Variants in TEAD1 observed in about 807,000 individuals in gnomAD.
The protein encoded by TEAD1 is transcriptional enhancer factor TEF-1.
Under a neutral mutation model 54.9 loss-of-function variants are expected in TEAD1, and 9 were observed. That is an observed-to-expected ratio of 0.16 (90% CI 0.10 to 0.29). TEAD1 has a LOEUF of 0.29. Among genes scored for constraint, TEAD1 ranks in the 10% least tolerant of loss-of-function variants. The probability of loss-of-function intolerance (pLI) is 1.00; values close to 1 mark genes in which losing one functional copy is unlikely to be tolerated. For synonymous variants in TEAD1, 200 were observed against 187.8 expected, an observed-to-expected ratio of 1.07 and a Z score of -0.53; for missense variants, 387 against 535.9, an observed-to-expected ratio of 0.72 and a Z score of 2.74.
intron 2 of TEAD1, among the ~76,000 whole-genome samples, chr11:12,737,830 A>G (rs1944568602): frequency 6.6e-6 from 1 of 152,186 alleles, no homozygotes. Context: ...GTATTAGTCC[A>G]TTTTTACGCT....
chr11:12,739,323 AAGTGTAC>A (rs1351172486), intron 2 of TEAD1, among the ~76,000 whole-genome samples: 4 of 152,144 alleles, frequency 2.6e-5, no homozygotes, highest in African/African-American at 9.7e-5. Flanking sequence ...CTTCATTTTT[AAGTGTAC>A]AGTTTAGTGG....
At chr11:12,901,679 T>G (rs59656916) in intron 9 of TEAD1, among the ~76,000 whole-genome samples, 7,736 of 152,244 alleles carry the variant, frequency 0.051, 262 homozygotes, top group East Asian at 0.13. Context: ...CTTAAGCTGT[T>G]GTTATTAATG....
chr11:12,928,255 T>C (rs1365183909), intron 11 of TEAD1, among the ~76,000 whole-genome samples: 2 of 151,612 alleles, frequency 1.3e-5, no homozygotes, highest in Admixed American at 6.6e-5. Flanking sequence ...ATTTCATAAG[T>C]AATATTCGTC....
chr11:12,805,947 GT>G lies in TEAD1; in HGVS notation c.202+41516del, dbSNP rs558354481. On this transcript the variant is annotated intron_variant, in intron 3 of 12. Coordinates refer to ENST00000527636, the MANE Select transcript of TEAD1 (RefSeq NM_021961.6). ...TTTTAATACCTGAATTGACAGACTG[GT>G]TTATCGGTGTTGGGGGTCTGTGTGA... 1.5e-4 allele frequency among the ~76,000 whole-genome samples: 23 copies of G among 152,228 alleles called. No homozygotes were observed. In the East Asian group the frequency reaches 3.7e-3, roughly 24 times the overall value.
intron 5 of TEAD1, among the ~76,000 whole-genome samples, chr11:12,872,403 T>C (rs1947767307): frequency 6.6e-6 from 1 of 152,234 alleles, no homozygotes. Flanking sequence ...TGATATAATC[T>C]TTCCTGGCAT....
chr11:12,936,100 G>A (rs567695021), intron 12 of TEAD1, among the ~76,000 whole-genome samples: 2 of 152,312 alleles, frequency 1.3e-5, no homozygotes, highest in African/African-American at 2.4e-5. Flanking sequence ...ATGCTTTGGC[G>A]TAATCAAACA....
At chr11:12,708,302 C>T (rs573925138) in intron 2 of TEAD1, among the ~76,000 whole-genome samples, 59 of 151,956 alleles carry the variant, frequency 3.9e-4, no homozygotes, top group African/African-American at 1.3e-3. Context: ...TGTATGCCTG[C>T]AGTGCAGTGC....
chr11:12,894,974 C>G (rs1948281494), intron 9 of TEAD1, among the ~76,000 whole-genome samples: 2 of 152,318 alleles, frequency 1.3e-5, no homozygotes, highest in African/African-American at 4.8e-5. Flanking sequence ...TCCACTATGG[C>G]TGTGGAAACT....
chr11:12,682,041 A>G (rs1467598176), intron 2 of TEAD1, among the ~76,000 whole-genome samples: 1 of 152,192 alleles, frequency 6.6e-6, no homozygotes, highest in Non-Finnish European at 1.5e-5. Context: ...TGGTAGGTGC[A>G]GTGTGTCTGT....
intron 3 of TEAD1, among the ~76,000 whole-genome samples, chr11:12,794,941 T>A (rs3927025): frequency 1.3e-5 from 2 of 152,218 alleles, no homozygotes; most frequent in African/African-American, 2.4e-5. Flanking sequence ...CACCTTCACC[T>A]GATTCAGTCT....
chr11:12,819,148 T>C (rs1368785944), intron 3 of TEAD1, among the ~76,000 whole-genome samples: 1 of 152,076 alleles, frequency 6.6e-6, no homozygotes, highest in Admixed American at 6.5e-5. Flanking sequence ...ATCCAGACAG[T>C]GGGTTATGGA....
rs569152816 is a variant in TEAD1, at chr11:12,805,552, G to A, written c.202+41118G>A. Among the ~76,000 whole-genome samples, 5 of 152,276 alleles carry A rather than the reference G, an allele frequency of 3.3e-5. No homozygotes were observed. The East Asian group carries it at 9.6e-4, about 29-fold the overall frequency. The stretch of plus-strand genomic sequence containing the variant: ...AATGATCTCTGATGTAGAACCACTA[G>A]AATTAGGGCCTTAGGTCTACCCATA... On this transcript the variant is annotated intron_variant, in intron 3 of 12. Transcript: ENST00000527636.
At chr11:12,682,756 G>T (rs550017951) in intron 2 of TEAD1, among the ~76,000 whole-genome samples, 3 of 152,094 alleles carry the variant, frequency 2.0e-5, no homozygotes, top group Admixed American at 2.0e-4. Flanking sequence ...AATGAACAGC[G>T]ATCAGTAAAA....
At chr11:12,879,145 C>T (rs953157991) in intron 5 of TEAD1, among the ~76,000 whole-genome samples, 1 of 152,158 alleles carries the variant, frequency 6.6e-6, no homozygotes, top group African/African-American at 2.4e-5. Context: ...CCTGTTACCC[C>T]CAACCCCCGC....
intron 12 of TEAD1, among the ~76,000 whole-genome samples, chr11:12,934,290 A>G: frequency 6.6e-6 from 1 of 152,142 alleles, no homozygotes; most frequent in Non-Finnish European, 1.5e-5. Context: ...TGCAAGGACA[A>G]AAAAACCAAA....
chr11:12,810,881 A>G (rs1291374551), intron 3 of TEAD1, among the ~76,000 whole-genome samples: 1 of 152,102 alleles, frequency 6.6e-6, no homozygotes, highest in African/African-American at 2.4e-5. Flanking sequence ...GACTGGTGAG[A>G]TGGTTGCTTT....
rs114821539 is a variant in TEAD1 at position 12,734,668 on chromosome 11, A to G, written c.-54-29511A>G. 3.8e-3 allele frequency among the ~76,000 whole-genome samples: 575 copies of G among 152,320 alleles called. 2 individuals carry two copies. The highest frequency in any genetic ancestry group is 0.013 in the African/African-American group (527 of 41,570). ...ATGTTTAGATACACAAATACTTACC[A>G]TTGAGTTACAATTGCCTACAGTATT... On this transcript the variant is annotated intron_variant, in intron 2 of 12. Coordinates refer to ENST00000527636, the MANE Select transcript of TEAD1 (RefSeq NM_021961.6).
chr11:12,849,532 G>GT (rs1947225150), intron 3 of TEAD1: 1 of 152,170 alleles, frequency 6.6e-6, no homozygotes, highest in Non-Finnish European at 1.5e-5. Flanking sequence ...CCTTCAGCAT[G>GT]TTTTCTAAGC....
intron 2 of TEAD1, among the ~76,000 whole-genome samples, chr11:12,738,549 A>T (rs1944582854): frequency 6.6e-6 from 1 of 152,180 alleles, no homozygotes; most frequent in Non-Finnish European, 1.5e-5. Context: ...CAGGCACAGA[A>T]CTTTAACTCT....
Sources: allele counts gnomAD v4.1 joint callset (sites outside exome capture counted in the v4.1 genomes callset), GRCh38; gene constraint gnomAD v4.1.1; transcripts MANE v1.5; gene names NCBI Gene and HGNC (gene_info 2026-07-23, HGNC 2026-07-21).